SEMA3E: variants seen among roughly 807,000 people sequenced by gnomAD.
The protein encoded by SEMA3E is semaphorin 3E, also known as semaphorin-3E.
A neutral mutation model predicts 93.6 loss-of-function variants in SEMA3E; 49 were observed. The observed-to-expected ratio is 0.52, with a 90% CI of 0.42 to 0.66. SEMA3E has a LOEUF of 0.66. SEMA3E is among the 30% of genes least tolerant of loss of function. The probability of loss-of-function intolerance (pLI) is 0.00; values close to 1 mark genes in which losing one functional copy is unlikely to be tolerated. For synonymous variants in SEMA3E, 363 were observed against 330.7 expected (o/e 1.10, Z -1.06); for missense variants, 906 against 964.8 (o/e 0.94, Z 0.81).
At chr7:83,523,544 G>A (rs948251093) in intron 1 of SEMA3E, among the ~76,000 whole-genome samples, 12 of 152,014 alleles carry the variant, frequency 7.9e-5, no homozygotes, top group Admixed American at 2.0e-4. Context: ...TGTCATTATC[G>A]CTTTTCTCTC....
chr7:83,473,141 C>A (rs1044886408), intron 2 of SEMA3E, among the ~76,000 whole-genome samples: 1 of 152,326 alleles, frequency 6.6e-6, no homozygotes, highest in East Asian at 1.9e-4. Flanking sequence ...AGTCACTTTT[C>A]ATTGTCAAGT....
At chr7:83,531,091 GTT>G (rs950878393) in intron 1 of SEMA3E, among the ~76,000 whole-genome samples, 2 of 151,906 alleles carry the variant, frequency 1.3e-5, no homozygotes, top group African/African-American at 2.4e-5. Context: ...AGCATGAAAA[GTT>G]TTATCTTAGT....
chr7:83,497,437 C>T (rs1054635597), intron 1 of SEMA3E, among the ~76,000 whole-genome samples: 3 of 151,994 alleles, frequency 2.0e-5, no homozygotes, highest in African/African-American at 7.3e-5. Context: ...GAGTTAATTA[C>T]GTTATTCAAT....
chr7:83,390,072 C>CGTGTATATGT (rs1787980599), intron 14 of SEMA3E, among the ~76,000 whole-genome samples: 1 of 70,282 alleles, frequency 1.4e-5, no homozygotes, highest in African/African-American at 4.1e-5. Context: ...CATATATGCG[C>CGTGTATATGT]GTATACGTGT....
At chr7:83,594,019 G>A (rs573372254) in intron 1 of SEMA3E, among the ~76,000 whole-genome samples, 14 of 152,120 alleles carry the variant, frequency 9.2e-5, no homozygotes, top group African/African-American at 1.4e-4. Flanking sequence ...GTATTTGGAG[G>A]TACATGAACC....
intron 1 of SEMA3E, among the ~76,000 whole-genome samples, chr7:83,570,552 C>CAAAAAAA (rs59715914): frequency 0.17 from 5,542 of 32,442 alleles, 680 homozygotes; most frequent in Non-Finnish European, 0.18. Flanking sequence ...GACTCCGTCT[C>CAAAAAAA]AAAAAAAAAA....
chr7:83,559,318 G>A (rs929291793), intron 1 of SEMA3E, among the ~76,000 whole-genome samples: 4 of 152,022 alleles, frequency 2.6e-5, no homozygotes, highest in Non-Finnish European at 4.4e-5. Context: ...TGGAATGGAA[G>A]TCATCTTAAA....
intron 11 of SEMA3E, 69 bp downstream of exon 11, chr7:83,399,958 GA>G: frequency 8.2e-7 from 1 of 1,224,720 alleles, no homozygotes; most frequent in East Asian, 2.3e-5. Context: ...GGTGCTTTTA[GA>G]AATATTATTA....
chr7:83,523,276 GT>G (rs1240565359), intron 1 of SEMA3E, among the ~76,000 whole-genome samples: 1 of 152,092 alleles, frequency 6.6e-6, no homozygotes, highest in African/African-American at 2.4e-5. Flanking sequence ...AGACTGAACA[GT>G]TTTTACTCGT....
chr7:83,554,703 G>A (rs573731403), intron 1 of SEMA3E, among the ~76,000 whole-genome samples: 1 of 152,254 alleles, frequency 6.6e-6, no homozygotes, highest in Admixed American at 6.5e-5. Flanking sequence ...CTCTCTGGGT[G>A]CGGTGGCTCA....
chr7:83,490,038 A>G, intron 2 of SEMA3E, 76 bp downstream of exon 2: 1 of 1,453,008 alleles, frequency 6.9e-7, no homozygotes, highest in Non-Finnish European at 9.6e-7. Flanking sequence ...AATACAATTA[A>G]AAAAAAGACA....
At chr7:83,374,783 A>G (rs1302694599) in intron 16 of SEMA3E, among the ~76,000 whole-genome samples, 1 of 152,180 alleles carries the variant, frequency 6.6e-6, no homozygotes, top group Non-Finnish European at 1.5e-5. Context: ...CCAATCATTC[A>G]ACAGATGCAT....
chr7:83,528,196 A>G (rs1791203420), intron 1 of SEMA3E, among the ~76,000 whole-genome samples: 1 of 152,160 alleles, frequency 6.6e-6, no homozygotes, highest in African/African-American at 2.4e-5. Context: ...TATACATTAT[A>G]AAAACTAATC....
chr7:83,480,981 A>T (rs1790133815), intron 2 of SEMA3E, among the ~76,000 whole-genome samples: 1 of 152,170 alleles, frequency 6.6e-6, no homozygotes, highest in African/African-American at 2.4e-5. Flanking sequence ...TCAATATAAA[A>T]CTATATTTAA....
At chr7:83,612,309 G>A (rs1395979899) in intron 1 of SEMA3E, among the ~76,000 whole-genome samples, 2 of 151,886 alleles carry the variant, frequency 1.3e-5, no homozygotes, top group African/African-American at 4.8e-5. Context: ...TTATATCCTT[G>A]GAATCTATAA....
chr7:83,387,879 T>TTTATATATATATAACATTATATATG (rs1213402956), intron 14 of SEMA3E, among the ~76,000 whole-genome samples: 1 of 145,468 alleles, frequency 6.9e-6, no homozygotes, highest in African/African-American at 2.5e-5. Context: ...TATATATATG[T>TTTATATATATATAACATTATATATG]TTATATATAT....
At position 83,367,480 on chromosome 7, in the gene SEMA3E, AC is replaced by A. The variant is rs1333830364; in HGVS notation, c.*105del. The A allele has an allele frequency of 1.4e-5, 16 of 1,130,132 alleles. No individual in the cohort carries two copies. Among genetic ancestry groups the A allele is most frequent in the Non-Finnish European group, 1.8e-5 (13 of 742,486 alleles). The allele number at this position is 1,130,132 out of a possible 1,614,324, so 70.0% of individuals were successfully genotyped here. A position where few individuals can be genotyped will look rare whatever the true frequency, so the allele number is the denominator to read the frequency against. On this transcript the variant is annotated 3_prime_UTR_variant, in exon 17 of 17. Transcript: ENST00000643230. ...ACACCTTCATAGTCATTCCTGTATT[AC>A]AGAAATCTCTTTTAAGTAATGCAAA...
chr7:83,588,082 T>A (rs1273578302), intron 1 of SEMA3E, among the ~76,000 whole-genome samples: 1 of 152,086 alleles, frequency 6.6e-6, no homozygotes, highest in African/African-American at 2.4e-5. Flanking sequence ...TACTTGATTA[T>A]CACAAGTTTA....
intron 4 of SEMA3E, among the ~76,000 whole-genome samples, chr7:83,432,795 A>C (rs1023236487): frequency 6.6e-6 from 1 of 152,202 alleles, no homozygotes; most frequent in Non-Finnish European, 1.5e-5. Flanking sequence ...AGATAAATGC[A>C]TAAGTCTTTA....
Sources: allele counts gnomAD v4.1 joint callset (sites outside exome capture counted in the v4.1 genomes callset), GRCh38; gene constraint gnomAD v4.1.1; transcripts MANE v1.5; gene names NCBI Gene and HGNC (gene_info 2026-07-23, HGNC 2026-07-21).